CLMP: variants seen among roughly 807,000 people sequenced by gnomAD.
The protein encoded by CLMP is CXADR like cell adhesion molecule.
In CLMP, 27 loss-of-function variants were observed where a neutral mutation model predicts 45.2. The observed-to-expected ratio is 0.60, with a 90% CI of 0.44 to 0.82. The LOEUF (loss-of-function observed/expected upper bound fraction) is 0.82, where lower values mean the gene tolerates loss of function less well. CLMP is among the 40% of genes least tolerant of loss of function. CLMP has a pLI of 0.00. For missense variants in CLMP, 403 were observed against 448.4 expected, an observed-to-expected ratio of 0.90 and a Z score of 0.91; for synonymous variants, 167 against 171.4, an observed-to-expected ratio of 0.97 and a Z score of 0.20.
At chr11:123,113,500 G>C (rs1304976353) in intron 1 of CLMP, among the ~76,000 whole-genome samples, 4 of 152,188 alleles carry the variant, frequency 2.6e-5, no homozygotes, top group African/African-American at 4.8e-5. Flanking sequence ...GAGTACGTTA[G>C]AATTTTAGCA....
At chr11:123,131,618 T>TTTTCC (rs201653295) in intron 1 of CLMP, among the ~76,000 whole-genome samples, 2,219 of 152,098 alleles carry the variant, frequency 0.015, 54 homozygotes, top group African/African-American at 0.05. Context: ...TTTTCTTTTC[T>TTTTCC]TTTCTATTTT....
intron 2 of CLMP, among the ~76,000 whole-genome samples, chr11:123,089,916 A>G (rs778948001): frequency 6.6e-6 from 1 of 150,794 alleles, no homozygotes; most frequent in African/African-American, 2.4e-5. Flanking sequence ...CTTGACCAAC[A>G]TGGAGAAACC....
chr11:123,116,731 A>T (rs1178296616), intron 1 of CLMP, among the ~76,000 whole-genome samples: 3 of 152,202 alleles, frequency 2.0e-5, no homozygotes, highest in South Asian at 4.1e-4. Flanking sequence ...TATGACATGA[A>T]TTCTTCTTTC....
At chr11:123,091,731 G>A (rs1865934424) in intron 2 of CLMP, among the ~76,000 whole-genome samples, 1 of 152,192 alleles carries the variant, frequency 6.6e-6, no homozygotes, top group Non-Finnish European at 1.5e-5. Context: ...GGAGTGCTGT[G>A]CAGGCCTGTC....
At chr11:123,167,956 A>AAGACAGACAGACAGAC (rs112277747) in intron 1 of CLMP, among the ~76,000 whole-genome samples, 143 of 151,734 alleles carry the variant, frequency 9.4e-4, no homozygotes, top group Middle Eastern at 3.4e-3. Flanking sequence ...CCAGGAAGGA[A>AAGACAGACAGACAGAC]AGACAGACAG....
intron 1 of CLMP, among the ~76,000 whole-genome samples, chr11:123,106,379 GGA>G (rs758933559): frequency 7.0e-6 from 1 of 143,602 alleles, no homozygotes; most frequent in Non-Finnish European, 1.5e-5. Flanking sequence ...TAATTCTGTA[GGA>G]GGTGTGTGTG....
At position 123,083,844 on chromosome 11, in the gene CLMP, C is replaced by T; in HGVS notation, c.392G>A (p.Arg131Lys). The stretch of plus-strand genomic sequence containing the variant: ...CAACTCACACTTGGGCTTGGATGGT[C>T]TCACTGGCAACAGCAACAACAAGCA... ...WSHVILKVLV[R>K]PSKPKCELEG... The change falls in exon 4 of 7, where the codon AGA (arginine) becomes AAA (lysine). Residue 131 changes from arginine (R) to lysine (K), a missense_variant. Arg to Lys is a conservative substitution (Grantham distance 26). Coordinates refer to ENST00000448775, the MANE Select transcript of CLMP (RefSeq NM_024769.5). The T allele has an allele frequency of 6.2e-7, 1 of 1,612,760 alleles. No homozygotes were observed. The highest frequency in any genetic ancestry group is 8.5e-7 in the Non-Finnish European group (1 of 1,179,908).
intron 5 of CLMP, among the ~76,000 whole-genome samples, chr11:123,075,941 C>T (rs923449316): frequency 1.3e-5 from 2 of 151,960 alleles, no homozygotes; most frequent in African/African-American, 4.8e-5. Context: ...GGGAGGCTGA[C>T]GTGGGCGGAT....
chr11:123,122,108 C>G (rs1201803520), intron 1 of CLMP, among the ~76,000 whole-genome samples: 1 of 152,154 alleles, frequency 6.6e-6, no homozygotes, highest in African/African-American at 2.4e-5. Context: ...TACCACATTA[C>G]CTAAAATATC....
intron 1 of CLMP, among the ~76,000 whole-genome samples, chr11:123,122,728 C>T (rs1042158761): frequency 7.2e-5 from 11 of 152,168 alleles, no homozygotes; most frequent in Non-Finnish European, 1.5e-4. Flanking sequence ...CTAATTTTGA[C>T]CTATGAAACC....
chr11:123,138,029 C>T (rs1225874997), intron 1 of CLMP, among the ~76,000 whole-genome samples: 3 of 150,674 alleles, frequency 2.0e-5, no homozygotes, highest in Non-Finnish European at 4.4e-5. Context: ...GACCGGAAAC[C>T]CTCAGGGCCC....
intron 1 of CLMP, among the ~76,000 whole-genome samples, chr11:123,168,687 T>C (rs1039964933): frequency 6.6e-6 from 1 of 152,216 alleles, no homozygotes; most frequent in African/African-American, 2.4e-5. Context: ...CAACTCTTTC[T>C]TGTCCTGCCT....
At chr11:123,144,463 C>G (rs1861209708) in intron 1 of CLMP, among the ~76,000 whole-genome samples, 1 of 152,192 alleles carries the variant, frequency 6.6e-6, no homozygotes, top group Non-Finnish European at 1.5e-5. Context: ...CCTCCGCCTC[C>G]TGGGTTCAAG....
At chr11:123,125,703 A>C (rs202209715) in intron 1 of CLMP, among the ~76,000 whole-genome samples, 1 of 151,130 alleles carries the variant, frequency 6.6e-6, no homozygotes, top group African/African-American at 2.4e-5. Flanking sequence ...TCCCGGGTTC[A>C]AGTGATTCTC....
chr11:123,194,594 TC>T (rs1381460713), intron 1 of CLMP, among the ~76,000 whole-genome samples: 1 of 152,100 alleles, frequency 6.6e-6, no homozygotes, highest in Non-Finnish European at 1.5e-5. Flanking sequence ...GCACAAAAAT[TC>T]CTGGATAAAC....
intron 1 of CLMP, among the ~76,000 whole-genome samples, chr11:123,145,541 C>T (rs867103691): frequency 6.8e-6 from 1 of 146,402 alleles, no homozygotes; most frequent in South Asian, 2.2e-4. Context: ...GGACTCAATG[C>T]AACCTCCGCC....
intron 5 of CLMP, among the ~76,000 whole-genome samples, chr11:123,075,877 A>G (rs1436481585): frequency 6.6e-6 from 1 of 152,146 alleles, no homozygotes; most frequent in Non-Finnish European, 1.5e-5. Flanking sequence ...AAGGGAATGT[A>G]AGAAAATTTT....
At chr11:123,079,636 G>A (rs1305237891) in intron 5 of CLMP, among the ~76,000 whole-genome samples, 1 of 152,000 alleles carries the variant, frequency 6.6e-6, no homozygotes, top group Non-Finnish European at 1.5e-5. Context: ...TAGTAGAGAC[G>A]GGGTTTCACC....
intron 1 of CLMP, among the ~76,000 whole-genome samples, chr11:123,101,593 G>GC (rs1468612076): frequency 6.6e-6 from 1 of 152,202 alleles, no homozygotes; most frequent in African/African-American, 2.4e-5. Context: ...TGCTGGGGAG[G>GC]AGCCCTCAGA....
Sources: allele counts gnomAD v4.1 joint callset (sites outside exome capture counted in the v4.1 genomes callset), GRCh38; gene constraint gnomAD v4.1.1; transcripts MANE v1.5; gene names NCBI Gene and HGNC (gene_info 2026-07-23, HGNC 2026-07-21).